The following CEACAM1 variants were observed in gnomAD, a reference collection of about 807,000 sequenced individuals.
CEACAM1 encodes cell adhesion molecule CEACAM1.
Under a neutral mutation model 49.1 loss-of-function variants are expected in CEACAM1, and 31 were observed. That is an observed-to-expected ratio of 0.63 (90% CI 0.47 to 0.85). CEACAM1 has a LOEUF of 0.85. Ranked by LOEUF, CEACAM1 falls within the 40% of genes least tolerant of loss-of-function variation. The pLI, the probability that CEACAM1 is intolerant of heterozygous loss-of-function variation, is 0.00. For missense variants in CEACAM1, 570 were observed against 645.3 expected (o/e 0.88, Z 1.26); for synonymous variants, 244 against 247.8 (o/e 0.98, Z 0.14).
intron 4 of CEACAM1, among the ~76,000 whole-genome samples, chr19:42,519,889 A>C (rs1257811400): frequency 6.6e-6 from 1 of 152,118 alleles, no homozygotes; most frequent in Non-Finnish European, 1.5e-5. Context: ...CCTTTCCTGG[A>C]GCTGTGATCA....
chr19:42,525,386 G>A (rs1377196340), intron 2 of CEACAM1, among the ~76,000 whole-genome samples: 8 of 151,094 alleles, frequency 5.3e-5, no homozygotes, highest in African/African-American at 1.7e-4. Flanking sequence ...CACCATGCCC[G>A]ACTAATTTTT....
Position 42,522,023 on chromosome 19 carries a change from G to C in CEACAM1, c.604C>G (p.Leu202Val). The C allele has an allele frequency of 6.2e-7, 1 of 1,614,244 alleles. No individual in the cohort carries two copies. The highest frequency in any genetic ancestry group is 8.5e-7 in the Non-Finnish European group (1 of 1,180,044). Residue 202 changes from leucine to valine, a missense_variant, in exon 3 of 9, where the codon CTA becomes GTA. Leu to Val is a conservative substitution (Grantham distance 32, BLOSUM62 1). Coordinates refer to ENST00000161559, the MANE Select transcript of CEACAM1 (RefSeq NM_001712.5). ...QLSNGNRTLT[L>V]LSVTRNDTGP... The stretch of plus-strand genomic sequence containing the variant: ...GTGTCATTCCTTGTGACACTGAGTA[G>C]AGTGAGGGTCCTGTTGCCATTGGAC...
At chr19:42,523,729 T>C (rs1355422952) in intron 2 of CEACAM1, among the ~76,000 whole-genome samples, 1 of 152,168 alleles carries the variant, frequency 6.6e-6, no homozygotes, top group Non-Finnish European at 1.5e-5. Flanking sequence ...TTTGTGAAAA[T>C]TGTTATTAAT....
In CEACAM1 at chr19:42,527,296, T is replaced by C; in HGVS notation, c.169A>G (p.Asn57Asp). The part of the protein sequence containing the change: ...EGKEVLLLVH[N>D]LPQQLFGYSW... ...TAGCCAAAAAGTTGCTGGGGCAGAT[T>C]GTGGACAAGGAGAAGAACCTCCTTC... is the stretch of plus-strand genomic sequence containing the variant. Residue 57 changes from asparagine to aspartate, a missense_variant, in exon 2 of 9, where the codon AAT (asparagine) becomes GAT (aspartate). By Grantham distance (23) the Asn-to-Asp change is conservative. Transcript: ENST00000161559. 6.2e-7 allele frequency: 1 copy of C among 1,614,036 alleles called. No homozygotes were observed. Among genetic ancestry groups the C allele is most frequent in the African/African-American group, 1.3e-5 (1 of 75,008 alleles).
rs1275419377 is a variant in CEACAM1, at chr19:42,521,478, G to A, written c.747C>T (p.Tyr249=). The A allele has an allele frequency of 1.2e-6, 2 of 1,614,068 alleles. No individual in the cohort carries two copies. Among genetic ancestry groups the A allele is most frequent in the African/African-American group, 1.3e-5 (1 of 74,922 alleles). The change falls in exon 4 of 9, where the codon TAC becomes TAT. Residue 249 remains tyrosine (Y), a synonymous_variant. Coordinates refer to ENST00000161559, the MANE Select transcript of CEACAM1 (RefSeq NM_001712.5). ...TPTISPSDTY[Y]RPGANLSLSC... ...AGAGGCTGAGGTTTGCCCCTGGACG[G>A]TAATAGGTGTCTGAAGGGGAAATGG...
rs193280377 is a variant in CEACAM1, at chr19:42,521,801, C to T, written c.703+123G>A. ...TTGCCTGGGGAAAGGAAGTCATGGC[C>T]AGCCTGGGTGTCCAGGGTTAAGGGT... On this transcript the variant is annotated intron_variant, in intron 3 of 8. Transcript: ENST00000161559. 1.0e-4 allele frequency: 158 copies of T among 1,568,776 alleles called. No individual in the cohort carries two copies. The African/African-American group carries it at 1.9e-3, about 19-fold the overall frequency.
intron 6 of CEACAM1, among the ~76,000 whole-genome samples, chr19:42,511,877 C>T (rs1223929027): frequency 6.6e-6 from 1 of 151,906 alleles, no homozygotes; most frequent in Non-Finnish European, 1.5e-5. Flanking sequence ...ATCCTTAAAA[C>T]CTTTCCCATT....
intron 2 of CEACAM1, among the ~76,000 whole-genome samples, chr19:42,522,804 T>C (rs1328208765): frequency 6.6e-6 from 1 of 152,128 alleles, no homozygotes; most frequent in Non-Finnish European, 1.5e-5. Flanking sequence ...TCTGCCCGCC[T>C]CGGCCTCCCA....
intron 5 of CEACAM1, among the ~76,000 whole-genome samples, chr19:42,514,409 G>T (rs1419930882): frequency 2.6e-5 from 4 of 152,074 alleles, no homozygotes; most frequent in African/African-American, 4.8e-5. Context: ...GGGATTACAG[G>T]CGTGAGCCAC....
At chr19:42,526,973 C>G (rs754874897) in intron 2 of CEACAM1, 68 bp downstream of exon 2, 33 of 1,567,490 alleles carry the variant, frequency 2.1e-5, no homozygotes, top group Non-Finnish European at 2.8e-5. Flanking sequence ...CAGCCCAGGC[C>G]TGACAATCCC....
At chr19:42,519,624 C>G (rs2041693144) in intron 4 of CEACAM1, among the ~76,000 whole-genome samples, 1 of 149,716 alleles carries the variant, frequency 6.7e-6, no homozygotes, top group Non-Finnish European at 1.5e-5. Context: ...GGCCGGAATG[C>G]AGTGGCATGA....
At chr19:42,524,120 A>G (rs11880554) in intron 2 of CEACAM1, among the ~76,000 whole-genome samples, 15,670 of 152,282 alleles carry the variant, frequency 0.1, 2,657 homozygotes, top group African/African-American at 0.35. Context: ...AGGAAACACA[A>G]CTAGAGTTTG....
chr19:42,522,238 G>C (rs371868563), intron 2 of CEACAM1, 36 bp from the exon 3 acceptor site: 67 of 1,611,536 alleles, frequency 4.2e-5, no homozygotes, highest in Non-Finnish European at 5.7e-5. Flanking sequence ...GCCCTGTGTG[G>C]CACCTTTGAT....
intron 5 of CEACAM1, among the ~76,000 whole-genome samples, chr19:42,515,257 T>C (rs2041571441): frequency 1.3e-5 from 2 of 152,302 alleles, no homozygotes; most frequent in African/African-American, 4.8e-5. Flanking sequence ...AGTGACACCC[T>C]GTCTCAAAAA....
At chr19:42,511,088 G>A in intron 7 of CEACAM1, 168 bp from the exon 8 acceptor site, 1 of 646,820 alleles carries the variant, frequency 1.5e-6, no homozygotes, top group South Asian at 1.8e-5. Flanking sequence ...TACCAGAGAG[G>A]GGGCAGGGGC....
At chr19:42,513,336 C>T (rs192682248) in intron 5 of CEACAM1, among the ~76,000 whole-genome samples, 9 of 152,244 alleles carry the variant, frequency 5.9e-5, no homozygotes, top group East Asian at 3.9e-4. Flanking sequence ...CGGTGGCTGA[C>T]GCCTGTAATC....
chr19:42,508,649 A>C lies in CEACAM1; in HGVS notation c.*460T>G, dbSNP rs978659769. 1 of 161,244 alleles carries C rather than the reference A, an allele frequency of 6.2e-6. No homozygotes were observed. The highest frequency in any genetic ancestry group is 2.4e-5 in the African/African-American group (1 of 41,518). 10.0% of individuals were successfully genotyped at this position (161,244 alleles called of 1,614,324 possible). A position where few individuals can be genotyped will look rare whatever the true frequency, so the allele number is the denominator to read the frequency against. ...CACAAGGCTTTGGAGAAATAGGAGA[A>C]GGCATTACTGCCTTTACTTTCTCTC... On this transcript the variant is annotated 3_prime_UTR_variant, in exon 9 of 9. Transcript: ENST00000161559.
chr19:42,523,321 G>A (rs2041806407), intron 2 of CEACAM1, among the ~76,000 whole-genome samples: 1 of 152,216 alleles, frequency 6.6e-6, no homozygotes, highest in African/African-American at 2.4e-5. Context: ...GGACACCAGG[G>A]GCAAGCCTGA....
At chr19:42,525,236 T>TC (rs2041861502) in intron 2 of CEACAM1, among the ~76,000 whole-genome samples, 2 of 150,736 alleles carry the variant, frequency 1.3e-5, no homozygotes, top group South Asian at 4.2e-4. Flanking sequence ...TTTTTTTTTT[T>TC]TTTTTTGAGA....
Sources: gnomAD v4.1 joint callset for allele counts (sites outside exome capture counted in the v4.1 genomes callset) on GRCh38, gnomAD v4.1.1 for gene constraint, MANE v1.5 for transcripts, NCBI Gene and HGNC (gene_info 2026-07-23, HGNC 2026-07-21) for gene names.